Variants in COG6 observed in about 807,000 individuals in gnomAD.
The protein encoded by COG6 is conserved oligomeric Golgi complex subunit 6.
COG6 carries 74 observed loss-of-function variants against 88.8 expected under a neutral mutation model. The observed-to-expected ratio is 0.83, with a 90% confidence interval of 0.69 to 1.01. The LOEUF is 1.01. COG6 is among the 50% of genes least tolerant of loss of function. The pLI is 0.00. For synonymous variants in COG6, 286 were observed against 278.7 expected, an observed-to-expected ratio of 1.03 and a Z score of -0.26; for missense variants, 800 against 797.9, an observed-to-expected ratio of 1.00 and a Z score of -0.03.
At chr13:39,706,917 C>A (rs541812619) in intron 13 of COG6, among the ~76,000 whole-genome samples, 395 of 152,196 alleles carry the variant, frequency 2.6e-3, no homozygotes, top group African/African-American at 9.2e-3. Flanking sequence ...TTCCTGGTCT[C>A]AAGCAATCCA....
intron 18 of COG6, among the ~76,000 whole-genome samples, chr13:39,769,883 C>G (rs900869769): frequency 3.9e-5 from 6 of 152,204 alleles, no homozygotes; most frequent in African/African-American, 1.4e-4. Context: ...TCACCAGACT[C>G]TGAATCTGCT....
At chr13:39,769,795 T>G (rs1881269596) in intron 18 of COG6, among the ~76,000 whole-genome samples, 1 of 152,018 alleles carries the variant, frequency 6.6e-6, no homozygotes, top group South Asian at 2.1e-4. Context: ...TTTGTGCCCT[T>G]ATAAAATAGG....
intron 17 of COG6, 136 bp from the exon 18 acceptor site, chr13:39,727,333 T>G: frequency 1.4e-6 from 1 of 712,358 alleles, no homozygotes; most frequent in Non-Finnish European, 2.5e-6. Flanking sequence ...AAATACACAA[T>G]TTGAACACAA....
intron 18 of COG6, among the ~76,000 whole-genome samples, chr13:39,763,827 AG>A (rs1185003423): frequency 6.6e-6 from 1 of 151,834 alleles, no homozygotes; most frequent in Non-Finnish European, 1.5e-5. Flanking sequence ...CACTTCATTT[AG>A]GATTTTTACA....
Position 39,682,134 on chromosome 13 carries a change from GAATTTAACAAAAGTTATAATGTTA to G in COG6, c.695-35_695-12del, listed in dbSNP as rs746188032. ...AACAGACATAATAAACATCTAAGCTGAATTTAACAAAAGTTATAATGTTAATTATTTTTCAGGTGAATGCAGAAC... is the reference window on the plus strand; with the variant it reads ...AACAGACATAATAAACATCTAAGCTGATTATTTTTCAGGTGAATGCAGAAC... On this transcript the variant is annotated splice_polypyrimidine_tract_variant and intron_variant, in intron 7 of 18. Transcript: ENST00000455146. 29 of 1,428,290 alleles carry G rather than the reference GAATTTAACAAAAGTTATAATGTTA, an allele frequency of 2.0e-5. No homozygotes were observed. In the African/African-American group the frequency reaches 3.2e-4, roughly 16 times the overall value. 88.5% of individuals were successfully genotyped at this position (1,428,290 alleles called of 1,614,324 possible).
chr13:39,678,434 C>T (rs1876105902), intron 5 of COG6, among the ~76,000 whole-genome samples: 1 of 152,094 alleles, frequency 6.6e-6, no homozygotes, highest in Non-Finnish European at 1.5e-5. Context: ...TCTTTTATAA[C>T]TTTGTGTCTT....
intron 12 of COG6, among the ~76,000 whole-genome samples, chr13:39,698,451 G>A (rs562341582): frequency 1.3e-5 from 2 of 151,656 alleles, no homozygotes; most frequent in African/African-American, 4.8e-5. Flanking sequence ...CTAGTATTTT[G>A]CTGTTTGCTA....
At chr13:39,785,289 A>G (rs1215067495) in intron 18 of COG6, 1 of 152,222 alleles carries the variant, frequency 6.6e-6, no homozygotes, top group Non-Finnish European at 1.5e-5. Context: ...AGGATGTCGG[A>G]AAACTGAAGG....
At chr13:39,747,297 G>C (rs1387206800) in intron 18 of COG6, among the ~76,000 whole-genome samples, 1 of 152,182 alleles carries the variant, frequency 6.6e-6, no homozygotes, top group Non-Finnish European at 1.5e-5. Context: ...CACACTGTCA[G>C]CCAGAGTTCT....
chr13:39,718,139 G>A (rs967887963), intron 13 of COG6, among the ~76,000 whole-genome samples: 1 of 152,066 alleles, frequency 6.6e-6, no homozygotes, highest in Non-Finnish European at 1.5e-5. Flanking sequence ...TGTGCATGCT[G>A]TGCATGGACT....
At chr13:39,711,175 A>G (rs1878219525) in intron 13 of COG6, among the ~76,000 whole-genome samples, 2 of 152,190 alleles carry the variant, frequency 1.3e-5, no homozygotes, top group African/African-American at 2.4e-5. Flanking sequence ...ATATAAAATT[A>G]GCTAGCAAAA....
At chr13:39,707,132 C>CTTT (rs1210881927) in intron 13 of COG6, among the ~76,000 whole-genome samples, 1 of 142,374 alleles carries the variant, frequency 7.0e-6, no homozygotes. Context: ...AATGAGCTCA[C>CTTT]TTTTTTTTTT....
intron 18 of COG6, among the ~76,000 whole-genome samples, chr13:39,739,972 A>G (rs1879960970): frequency 6.6e-6 from 1 of 152,172 alleles, no homozygotes; most frequent in Admixed American, 6.5e-5. Flanking sequence ...AGAAATATCT[A>G]ATTATAACAA....
chr13:39,788,713 A>C (rs1881850323), exon 19 of COG6: 1 of 207,954 alleles, frequency 4.8e-6, no homozygotes, highest in African/African-American at 2.3e-5. Context: ...CTTATCTCAA[A>C]TATGTGTTAC....
chr13:39,687,389 A>C (rs1876711902), intron 8 of COG6, 114 bp from the exon 9 acceptor site: 3 of 929,022 alleles, frequency 3.2e-6, no homozygotes, highest in Non-Finnish European at 5.3e-6. Flanking sequence ...CCGAATATCT[A>C]AAGGAGCTTT....
At chr13:39,725,508 A>G (rs184346258) in intron 17 of COG6, among the ~76,000 whole-genome samples, 1 of 151,912 alleles carries the variant, frequency 6.6e-6, no homozygotes, top group Non-Finnish European at 1.5e-5. Flanking sequence ...ATCTTCCAGA[A>G]CTCAGTTTAA....
intron 13 of COG6, among the ~76,000 whole-genome samples, chr13:39,711,329 C>A (rs1044978916): frequency 2.0e-5 from 3 of 152,094 alleles, no homozygotes; most frequent in Non-Finnish European, 4.4e-5. Flanking sequence ...GTTAATAGCA[C>A]CTTATCATAG....
At chr13:39,786,866 G>A (rs1881788331) in intron 18 of COG6, among the ~76,000 whole-genome samples, 1 of 152,180 alleles carries the variant, frequency 6.6e-6, no homozygotes, top group African/African-American at 2.4e-5. Flanking sequence ...AGAAGAGGAA[G>A]AAGCCTGATC....
intron 15 of COG6, 36 bp from the exon 16 acceptor site, chr13:39,723,294 ATTC>A: frequency 7.7e-7 from 1 of 1,306,812 alleles, no homozygotes. Context: ...CATCAGTGTC[ATTC>A]TTCTTTTAAA....
Sources: allele counts gnomAD v4.1 joint callset (sites outside exome capture counted in the v4.1 genomes callset), GRCh38; gene constraint gnomAD v4.1.1; transcripts MANE v1.5; gene names NCBI Gene and HGNC (gene_info 2026-07-23, HGNC 2026-07-21).